The following CCDC66 variants were observed in gnomAD, a reference collection of about 807,000 sequenced individuals.
CCDC66 encodes the protein coiled-coil domain-containing protein 66.
CCDC66 carries 133 observed loss-of-function variants against 128.3 expected under a neutral mutation model. The observed-to-expected ratio is 1.04, with a 90% CI of 0.90 to 1.20. The LOEUF is 1.20. Among genes scored for constraint, CCDC66 ranks in the 50% most tolerant of loss-of-function variants. CCDC66 has a pLI of 0.00. For synonymous variants in CCDC66, 387 were observed against 357.0 expected, an observed-to-expected ratio of 1.08 and a Z score of -0.95; for missense variants, 1,126 against 1,075.5, an observed-to-expected ratio of 1.05 and a Z score of -0.66.
rs2076121806 is a variant in CCDC66 at position 56,619,814 on chromosome 3, T to C, written c.2673T>C (p.Cys891=). The C allele has an allele frequency of 6.2e-7, 1 of 1,613,964 alleles. No individual in the cohort carries two copies. Among genetic ancestry groups the C allele is most frequent in the Admixed American group, 1.7e-5 (1 of 60,004 alleles). The stretch of plus-strand genomic sequence containing the variant: ...AACGACAGCTATTTGATTCTGACTG[T>C]GTCAGGGATCCACTTCTTAATCCTA... ...GQKRQLFDSD[C]VRDPLLNPNM... The change falls in exon 17 of 18, where the codon TGT becomes TGC. Residue 891 remains cysteine (C), a synonymous_variant. Transcript: ENST00000394672.
intron 3 of CCDC66, 195 bp from the exon 4 acceptor site, chr3:56,563,489 A>G: frequency 1.8e-6 from 1 of 547,226 alleles, no homozygotes; most frequent in East Asian, 2.9e-5. Flanking sequence ...AACTATAATA[A>G]AAGTTCCTGA....
Position 56,583,323 on chromosome 3 carries a change from A to G in CCDC66, c.937-9647A>G, listed in dbSNP as rs1164547616. ...TTTTGTTTGTTTGTTTGTTTTATTG[A>G]TCATTCTTGGGTGTTTCTCCCAGAG... On this transcript the variant is annotated intron_variant, in intron 7 of 17. Coordinates refer to ENST00000394672, the MANE Select transcript of CCDC66 (RefSeq NM_001141947.3). 2.0e-5 allele frequency among the ~76,000 whole-genome samples: 3 copies of G among 151,854 alleles called. No individual in the cohort carries two copies. In the Admixed American group the frequency reaches 2.0e-4, roughly 10 times the overall value.
chr3:56,566,117 T>TTTTGTTTTGC (rs1445445468), intron 4 of CCDC66, among the ~76,000 whole-genome samples: 3 of 151,648 alleles, frequency 2.0e-5, no homozygotes, highest in African/African-American at 7.3e-5. Context: ...CTTTGTTTTG[T>TTTTGTTTTGC]TTTGTTTTGT....
intron 7 of CCDC66, among the ~76,000 whole-genome samples, chr3:56,584,065 T>G (rs1259230083): frequency 8.6e-6 from 1 of 116,846 alleles, no homozygotes; most frequent in Non-Finnish European, 1.8e-5. Flanking sequence ...GGGCGGGGGC[T>G]GCCCCCCACC....
At chr3:56,578,114 C>T (rs537391918) in intron 7 of CCDC66, among the ~76,000 whole-genome samples, 19 of 151,712 alleles carry the variant, frequency 1.3e-4, no homozygotes, top group African/African-American at 4.6e-4. Context: ...ATTTGTAGTT[C>T]TTGAAGCGGT....
intron 7 of CCDC66, among the ~76,000 whole-genome samples, chr3:56,590,501 G>A (rs1559690179): frequency 6.6e-6 from 1 of 152,146 alleles, no homozygotes; most frequent in Non-Finnish European, 1.5e-5. Flanking sequence ...AATAGGCCAT[G>A]TGCAGTGGCT....
At chr3:56,557,671 C>T (rs1043277448) in intron 1 of CCDC66, 3 of 184,256 alleles carry the variant, frequency 1.6e-5, no homozygotes, top group African/African-American at 2.4e-5. Flanking sequence ...CGCCCAAATT[C>T]GTTTTAGGCC....
chr3:56,600,188 C>T (rs62256013), intron 10 of CCDC66, among the ~76,000 whole-genome samples: 7,308 of 144,754 alleles, frequency 0.05, 208 homozygotes, highest in East Asian at 0.09. Flanking sequence ...CTTGCTCTGT[C>T]GCCAGGCTGG....
intron 7 of CCDC66, among the ~76,000 whole-genome samples, chr3:56,578,088 A>G (rs2067694093): frequency 6.6e-6 from 1 of 151,566 alleles, no homozygotes; most frequent in African/African-American, 2.4e-5. Context: ...GTCCTCTTTT[A>G]TTTCCTTGAG....
intron 7 of CCDC66, among the ~76,000 whole-genome samples, chr3:56,579,250 G>A (rs150691100): frequency 0.034 from 5,096 of 151,862 alleles, 133 homozygotes; most frequent in Middle Eastern, 0.078. Context: ...GATTAGTGGT[G>A]ATATCCCCTT....
chr3:56,564,385 T>G (rs2065512933), intron 4 of CCDC66, among the ~76,000 whole-genome samples: 1 of 152,182 alleles, frequency 6.6e-6, no homozygotes, highest in Non-Finnish European at 1.5e-5. Context: ...TACAAAAAAC[T>G]ATTATTATAC....
chr3:56,594,363 G>C (rs2071479711), intron 10 of CCDC66, among the ~76,000 whole-genome samples: 1 of 151,360 alleles, frequency 6.6e-6, no homozygotes, highest in African/African-American at 2.4e-5. Context: ...TCTTTGAATA[G>C]GGATTGAACT....
At chr3:56,573,252 T>G (rs2066881346) in intron 7 of CCDC66, among the ~76,000 whole-genome samples, 1 of 152,192 alleles carries the variant, frequency 6.6e-6, no homozygotes, top group Non-Finnish European at 1.5e-5. Context: ...TTAAAATATT[T>G]TGTATATATT....
At chr3:56,601,056 G>A (rs1470796342) in intron 10 of CCDC66, among the ~76,000 whole-genome samples, 1 of 152,040 alleles carries the variant, frequency 6.6e-6, no homozygotes, top group Non-Finnish European at 1.5e-5. Context: ...CCATGCCTGT[G>A]TCCTGAATGA....
At chr3:56,573,003 T>C (rs924781839) in intron 7 of CCDC66, 2 of 152,212 alleles carry the variant, frequency 1.3e-5, no homozygotes, top group African/African-American at 4.8e-5. Context: ...TAGCTAAAAC[T>C]AAGTTTTCAT....
intron 8 of CCDC66, 150 bp from the exon 9 acceptor site, chr3:56,593,341 A>G (rs2071275195): frequency 3.3e-6 from 3 of 898,074 alleles, no homozygotes; most frequent in Non-Finnish European, 5.0e-6. Flanking sequence ...ATCTATATGT[A>G]TAAGGACTCT....
chr3:56,564,176 T>A (rs2065479855), intron 4 of CCDC66, 51 bp downstream of exon 4: 8 of 1,381,220 alleles, frequency 5.8e-6, no homozygotes, highest in African/African-American at 1.5e-5. Flanking sequence ...AATATGTGTT[T>A]TAGAATATCA....
intron 10 of CCDC66, among the ~76,000 whole-genome samples, chr3:56,594,662 G>A (rs566933475): frequency 2.7e-4 from 41 of 150,040 alleles, no homozygotes; most frequent in East Asian, 1.9e-3. Flanking sequence ...CAGCCTGGGC[G>A]ACAGAGTGAG....
At chr3:56,559,542 T>G in intron 2 of CCDC66, 27 bp from the exon 3 acceptor site, 4 of 1,483,292 alleles carry the variant, frequency 2.7e-6, no homozygotes, top group Non-Finnish European at 2.7e-6. Context: ...TGGTGGATAG[T>G]TTAGTAATTT....
Sources: gnomAD v4.1 joint callset for allele counts (sites outside exome capture counted in the v4.1 genomes callset) on GRCh38, gnomAD v4.1.1 for gene constraint, MANE v1.5 for transcripts, NCBI Gene and HGNC (gene_info 2026-07-23, HGNC 2026-07-21) for gene names.